Variants in SCN1A observed in about 807,000 individuals in gnomAD.
SCN1A encodes sodium channel protein type 1 subunit alpha.
A neutral mutation model predicts 193.7 loss-of-function variants in SCN1A; 13 were observed. The ratio of observed to expected loss-of-function variants is 0.07; its 90% CI spans 0.04 to 0.11. The LOEUF (loss-of-function observed/expected upper bound fraction) is 0.11. Among genes scored for constraint, SCN1A ranks in the 10% least tolerant of loss-of-function variants. SCN1A has a pLI of 1.00. For synonymous variants in SCN1A, 781 were observed against 843.6 expected (o/e 0.93, Z 1.29); for missense variants, 1,432 against 2,451.1 (o/e 0.58, Z 8.78).
chr2:166,007,775 G>A (rs57380075), intron 23 of SCN1A, among the ~76,000 whole-genome samples: 5,621 of 151,408 alleles, frequency 0.037, 346 homozygotes, highest in African/African-American at 0.13. Context: ...ACGCTTTGAC[G>A]CAGCTATTGT....
At chr2:166,018,701 A>G (rs1245309197) in intron 19 of SCN1A, among the ~76,000 whole-genome samples, 2 of 152,086 alleles carry the variant, frequency 1.3e-5, no homozygotes, top group Non-Finnish European at 2.9e-5. Context: ...TGTAATGATG[A>G]TGTAACACAA....
intron 19 of SCN1A, among the ~76,000 whole-genome samples, chr2:166,030,201 A>G (rs1245593359): frequency 6.6e-6 from 1 of 152,206 alleles, no homozygotes; most frequent in Non-Finnish European, 1.5e-5. Flanking sequence ...ACTATGGAGC[A>G]GACTGCCAGG....
At chr2:166,122,588 C>T (rs985767499) in intron 2 of SCN1A, among the ~76,000 whole-genome samples, 2 of 152,054 alleles carry the variant, frequency 1.3e-5, no homozygotes, top group South Asian at 2.1e-4. Flanking sequence ...AAATCATAAA[C>T]GCATGGACAA....
At chr2:166,096,448 A>C (rs973098584) in intron 2 of SCN1A, among the ~76,000 whole-genome samples, 1 of 151,926 alleles carries the variant, frequency 6.6e-6, no homozygotes, top group Non-Finnish European at 1.5e-5. Context: ...CACCCAGCTA[A>C]TTTTTGTATT....
chr2:166,010,857 C>G (rs977765133), intron 22 of SCN1A, among the ~76,000 whole-genome samples: 1 of 150,652 alleles, frequency 6.6e-6, no homozygotes, highest in Non-Finnish European at 1.5e-5. Context: ...TTGTTACAAA[C>G]TACAAAATTT....
intron 19 of SCN1A, chr2:166,016,559 A>G (rs1323874972): frequency 6.6e-6 from 1 of 152,060 alleles, no homozygotes; most frequent in Non-Finnish European, 1.5e-5. Flanking sequence ...CAAAGATGGC[A>G]GAGATAATAG....
intron 19 of SCN1A, among the ~76,000 whole-genome samples, chr2:166,018,867 A>G (rs1385008128): frequency 6.6e-6 from 1 of 152,168 alleles, no homozygotes; most frequent in East Asian, 1.9e-4. Flanking sequence ...CCCATATTAC[A>G]TTGGTAACTC....
At chr2:166,106,541 TGGGTG>T (rs1688715435) in intron 2 of SCN1A, among the ~76,000 whole-genome samples, 1 of 151,976 alleles carries the variant, frequency 6.6e-6, no homozygotes, top group Non-Finnish European at 1.5e-5. Flanking sequence ...CTAAGGTTGG[TGGGTG>T]GGCCTTCAGA....
intron 2 of SCN1A, among the ~76,000 whole-genome samples, chr2:166,093,674 T>C (rs1687071247): frequency 6.6e-6 from 1 of 152,174 alleles, no homozygotes; most frequent in Non-Finnish European, 1.5e-5. Flanking sequence ...CCATTTTACT[T>C]ATACCCGCTT....
chr2:166,122,519 A>G (rs898668687), intron 2 of SCN1A, among the ~76,000 whole-genome samples: 1 of 152,208 alleles, frequency 6.6e-6, no homozygotes, highest in Non-Finnish European at 1.5e-5. Flanking sequence ...AAAGAATCTC[A>G]CTGACCTTTT....
intron 4 of SCN1A, among the ~76,000 whole-genome samples, chr2:166,072,123 C>T (rs1684492478): frequency 6.6e-6 from 1 of 152,098 alleles, no homozygotes; most frequent in South Asian, 2.1e-4. Flanking sequence ...GGGCCAGAAA[C>T]AGAGTCCCTA....
At chr2:166,136,776 A>T (rs929695609) in intron 1 of SCN1A, among the ~76,000 whole-genome samples, 5 of 152,218 alleles carry the variant, frequency 3.3e-5, no homozygotes, top group African/African-American at 1.2e-4. Flanking sequence ...GGCAAGAGTG[A>T]AAGTGGCACC....
chr2:166,095,486 G>A (rs1687275800), intron 2 of SCN1A, among the ~76,000 whole-genome samples: 1 of 152,068 alleles, frequency 6.6e-6, no homozygotes. Flanking sequence ...TTAACAAAGG[G>A]GGATTGAAAC....
At chr2:166,020,585 A>T (rs987522400) in intron 19 of SCN1A, among the ~76,000 whole-genome samples, 2 of 152,220 alleles carry the variant, frequency 1.3e-5, no homozygotes, top group Non-Finnish European at 2.9e-5. Flanking sequence ...TGTGTAATTT[A>T]ATCTTGTAGA....
intron 4 of SCN1A, among the ~76,000 whole-genome samples, chr2:166,067,798 C>G (rs1329280036): frequency 6.8e-6 from 1 of 147,460 alleles, no homozygotes; most frequent in Non-Finnish European, 1.5e-5. Flanking sequence ...TCCCATGTGG[C>G]TTGGTGGAGC....
intron 19 of SCN1A, among the ~76,000 whole-genome samples, chr2:166,034,481 A>G (rs1399361886): frequency 6.6e-6 from 1 of 152,218 alleles, no homozygotes; most frequent in East Asian, 1.9e-4. Flanking sequence ...TCTTTAATGT[A>G]TTCAATCCTT....
intron 2 of SCN1A, among the ~76,000 whole-genome samples, chr2:166,119,026 A>T (rs1280606690): frequency 1.3e-5 from 2 of 152,210 alleles, no homozygotes; most frequent in Non-Finnish European, 2.9e-5. Flanking sequence ...GTGCATGCAC[A>T]GTTCACAATA....
At chr2:165,999,854 T>C in intron 24 of SCN1A, 78 bp from the exon 25 acceptor site, 1 of 1,071,998 alleles carries the variant, frequency 9.3e-7, no homozygotes, top group South Asian at 1.3e-5. Context: ...TTCTTACTGA[T>C]ATAATTTTCA....
intron 2 of SCN1A, among the ~76,000 whole-genome samples, chr2:166,101,180 T>C (rs1254930183): frequency 6.6e-6 from 1 of 150,982 alleles, no homozygotes; most frequent in East Asian, 2.0e-4. Flanking sequence ...TATGCAGCCA[T>C]AAAAAATGAT....
Sources: gnomAD v4.1 joint callset for allele counts (sites outside exome capture counted in the v4.1 genomes callset) on GRCh38, gnomAD v4.1.1 for gene constraint, MANE v1.5 for transcripts, NCBI Gene and HGNC (gene_info 2026-07-23, HGNC 2026-07-21) for gene names.